MGMT: variants seen among roughly 807,000 people sequenced by gnomAD.
The protein encoded by MGMT is O-6-methylguanine-DNA methyltransferase, also known as methylated-DNA--protein-cysteine methyltransferase.
MGMT carries 14 observed loss-of-function variants against 15.9 expected under a neutral mutation model. The observed-to-expected ratio is 0.88, with a 90% confidence interval of 0.58 to 1.37. The LOEUF (loss-of-function observed/expected upper bound fraction) is 1.37, where lower values mean the gene tolerates loss of function less well. Among genes scored for constraint, MGMT ranks in the 40% most tolerant of loss-of-function variants. The probability of loss-of-function intolerance (pLI) is 0.00; values close to 1 mark genes in which losing one functional copy is unlikely to be tolerated. For missense variants in MGMT, 282 were observed against 268.1 expected, an observed-to-expected ratio of 1.05 and a Z score of -0.36; for synonymous variants, 130 against 118.2, an observed-to-expected ratio of 1.10 and a Z score of -0.65.
At chr10:129,716,127 T>C (rs4750768) in intron 3 of MGMT, among the ~76,000 whole-genome samples, 56,842 of 152,014 alleles carry the variant, frequency 0.37, 11,076 homozygotes, top group East Asian at 0.69. Context: ...AAGAAGTAAA[T>C]TGAAGAACGA....
intron 2 of MGMT, among the ~76,000 whole-genome samples, chr10:129,542,345 C>T (rs1373671504): frequency 6.6e-6 from 1 of 152,160 alleles, no homozygotes; most frequent in East Asian, 1.9e-4. Flanking sequence ...TCGGATGGTT[C>T]CTCAAGGTCC....
Position 129,684,471 on chromosome 10 carries a change from A to G in MGMT, c.126-23424A>G, listed in dbSNP as rs368311717. Among the ~76,000 whole-genome samples, 13 of 152,342 alleles carry G rather than the reference A, an allele frequency of 8.5e-5. No homozygotes were observed. In the East Asian group the frequency reaches 1.9e-3, roughly 23 times the overall value. ...TGAGACCAACTTTCTTTTTCCACAA[A>G]TACAAATCCTCTCCAAATTGGACAC... On this transcript the variant is annotated intron_variant, in intron 2 of 4. Transcript: ENST00000651593.
intron 2 of MGMT, among the ~76,000 whole-genome samples, chr10:129,640,310 C>T (rs909499040): frequency 3.9e-5 from 6 of 152,106 alleles, no homozygotes; most frequent in African/African-American, 1.4e-4. Context: ...ATTGGCCAGG[C>T]TGGTCTCAAA....
At chr10:129,662,724 G>A (rs904581244) in intron 2 of MGMT, among the ~76,000 whole-genome samples, 1 of 152,096 alleles carries the variant, frequency 6.6e-6, no homozygotes, top group African/African-American at 2.4e-5. Context: ...AGGGCAAAGG[G>A]ATGGGCGGTG....
chr10:129,655,006 A>G (rs1291032269), intron 2 of MGMT, among the ~76,000 whole-genome samples: 2 of 152,226 alleles, frequency 1.3e-5, no homozygotes, highest in African/African-American at 4.8e-5. Context: ...GTGGAGCAGC[A>G]GTGGGAGGAA....
At chr10:129,740,223 G>A (rs1408161380) in intron 3 of MGMT, among the ~76,000 whole-genome samples, 1 of 152,186 alleles carries the variant, frequency 6.6e-6, no homozygotes, top group Admixed American at 6.5e-5. Flanking sequence ...ATTGACCCCA[G>A]GATGCCATCA....
rs1848596927 is a variant in MGMT at position 129,738,851 on chromosome 10, A to G, written c.275-20351A>G. ...CCAAAGGCTGGCAGAGACACAACAA[A>G]AAAAGAGAATTTTAGGCCAATATCC... On this transcript the variant is annotated intron_variant, in intron 3 of 4. Coordinates refer to ENST00000651593, the MANE Select transcript of MGMT (RefSeq NM_002412.5). Among the ~76,000 whole-genome samples the G allele has an allele frequency of 3.9e-5, 6 of 152,314 alleles. No individual in the cohort carries two copies. In the South Asian group the frequency reaches 1.2e-3, roughly 32 times the overall value.
chr10:129,521,990 A>G (rs1342338382), intron 1 of MGMT, among the ~76,000 whole-genome samples: 1 of 152,230 alleles, frequency 6.6e-6, no homozygotes, highest in Admixed American at 6.5e-5. Flanking sequence ...TGGACTGACC[A>G]GTGGTCTGGA....
chr10:129,675,585 A>AGGAAGCCAGGAGTGGCGGGAG (rs1847776247), intron 2 of MGMT, among the ~76,000 whole-genome samples: 1 of 151,908 alleles, frequency 6.6e-6, no homozygotes, highest in African/African-American at 2.4e-5. Flanking sequence ...AGTGGCGGGA[A>AGGAAGCCAGGAGTGGCGGGAG]CAACGCTTCA....
intron 3 of MGMT, among the ~76,000 whole-genome samples, chr10:129,730,148 A>G (rs1446920513): frequency 6.6e-6 from 1 of 152,166 alleles, no homozygotes; most frequent in Non-Finnish European, 1.5e-5. Flanking sequence ...GTACTGGCTG[A>G]GAGGGGCAGC....
At chr10:129,704,565 C>T (rs747879069) in intron 2 of MGMT, among the ~76,000 whole-genome samples, 7 of 152,080 alleles carry the variant, frequency 4.6e-5, no homozygotes, top group African/African-American at 1.2e-4. Context: ...GTAATTTAGC[C>T]GGCTCTGCTG....
intron 3 of MGMT, 39 bp from the exon 4 acceptor site, chr10:129,759,163 G>A (rs758861131): frequency 8.1e-6 from 13 of 1,611,496 alleles, no homozygotes; most frequent in Admixed American, 5.0e-5. Flanking sequence ...TGCTGAAGCC[G>A]TTTGTCCAAA....
intron 2 of MGMT, among the ~76,000 whole-genome samples, chr10:129,658,133 T>C (rs894489205): frequency 2.0e-5 from 3 of 152,142 alleles, no homozygotes; most frequent in African/African-American, 7.2e-5. Flanking sequence ...GTGGAGTTTT[T>C]TCCCCCTTCT....
intron 3 of MGMT, among the ~76,000 whole-genome samples, chr10:129,736,780 G>C (rs888230765): frequency 1.0e-3 from 158 of 151,624 alleles, no homozygotes; most frequent in African/African-American, 3.5e-3. Flanking sequence ...CTCAGCATTT[G>C]CTTGTCTGTA....
At chr10:129,491,147 C>T (rs532002993) in intron 1 of MGMT, among the ~76,000 whole-genome samples, 23 of 152,130 alleles carry the variant, frequency 1.5e-4, no homozygotes, top group African/African-American at 5.3e-4. Context: ...GTGACTTCTG[C>T]TTGAAGGACT....
chr10:129,765,351 A>G (rs569938737), intron 4 of MGMT, among the ~76,000 whole-genome samples: 1 of 152,226 alleles, frequency 6.6e-6, no homozygotes, highest in Admixed American at 6.5e-5. Flanking sequence ...GGGAAGCTTA[A>G]GCAAATGGCC....
intron 2 of MGMT, among the ~76,000 whole-genome samples, chr10:129,551,430 G>A (rs79307979): frequency 0.014 from 2,146 of 152,202 alleles, 60 homozygotes; most frequent in African/African-American, 0.049. Context: ...GGGGCAGAGG[G>A]AGGGATGGAG....
intron 3 of MGMT, among the ~76,000 whole-genome samples, chr10:129,741,682 ACACT>A (rs1848635315): frequency 1.3e-5 from 2 of 152,198 alleles, no homozygotes; most frequent in African/African-American, 4.8e-5. Context: ...GGTCACCATC[ACACT>A]CACACCACCA....
intron 2 of MGMT, among the ~76,000 whole-genome samples, chr10:129,685,540 G>A (rs554983221): frequency 2.0e-5 from 3 of 152,264 alleles, no homozygotes; most frequent in East Asian, 3.9e-4. Context: ...CCTCTCCCCG[G>A]GGCCCTTTCG....
Sources: allele counts gnomAD v4.1 joint callset (sites outside exome capture counted in the v4.1 genomes callset), GRCh38; gene constraint gnomAD v4.1.1; transcripts MANE v1.5; gene names NCBI Gene and HGNC (gene_info 2026-07-23, HGNC 2026-07-21).